The following DOK5 variants were observed in gnomAD, a reference collection of about 807,000 sequenced individuals.
The protein encoded by DOK5 is downstream of tyrosine kinase 5.
In DOK5, 27 loss-of-function variants were observed where a neutral mutation model predicts 43.3. The observed-to-expected ratio is 0.62, with a 90% CI of 0.46 to 0.86. The LOEUF (loss-of-function observed/expected upper bound fraction) is 0.86. DOK5 is among the 40% of genes least tolerant of loss of function. The probability of loss-of-function intolerance (pLI) is 0.00; values close to 1 mark genes in which losing one functional copy is unlikely to be tolerated. For synonymous variants in DOK5, 146 were observed against 140.1 expected (o/e 1.04, Z -0.30); for missense variants, 373 against 392.9 (o/e 0.95, Z 0.43).
chr20:54,640,483 C>T (rs1237973832), intron 6 of DOK5, among the ~76,000 whole-genome samples: 1 of 152,224 alleles, frequency 6.6e-6, no homozygotes, highest in East Asian at 1.9e-4. Flanking sequence ...CTCCCTGACA[C>T]AATTATGCAG....
intron 5 of DOK5, among the ~76,000 whole-genome samples, chr20:54,593,395 C>G (rs1055112100): frequency 2.6e-5 from 4 of 152,118 alleles, no homozygotes; most frequent in Non-Finnish European, 4.4e-5. Flanking sequence ...CAGTTCTTTT[C>G]TGGTCTATTT....
intron 1 of DOK5, among the ~76,000 whole-genome samples, chr20:54,537,986 A>G (rs1984016071): frequency 1.3e-5 from 2 of 151,498 alleles, no homozygotes; most frequent in Non-Finnish European, 2.9e-5. Context: ...TTACAGGCAC[A>G]CACCACCAAA....
chr20:54,611,477 C>T (rs961304800), intron 6 of DOK5, among the ~76,000 whole-genome samples: 3 of 152,082 alleles, frequency 2.0e-5, no homozygotes, highest in African/African-American at 7.2e-5. Flanking sequence ...AGGAGGATCA[C>T]TTGAGCCCAG....
chr20:54,646,295 C>A (rs1244615006), intron 7 of DOK5, among the ~76,000 whole-genome samples: 2 of 122,838 alleles, frequency 1.6e-5, no homozygotes, highest in East Asian at 5.2e-4. Flanking sequence ...GGCTCTTCGC[C>A]TAGGCTGGAG....
chr20:54,611,588 T>C (rs1600735342), intron 6 of DOK5, among the ~76,000 whole-genome samples: 1 of 152,158 alleles, frequency 6.6e-6, no homozygotes, highest in African/African-American at 2.4e-5. Flanking sequence ...ATAATAATTA[T>C]GTTCATGAGT....
intron 1 of DOK5, among the ~76,000 whole-genome samples, chr20:54,535,561 C>T (rs1983934412): frequency 6.6e-6 from 1 of 151,386 alleles, no homozygotes; most frequent in Non-Finnish European, 1.5e-5. Flanking sequence ...TGATATATCT[C>T]CAGTTTTGCT....
At chr20:54,550,130 C>T (rs909185477) in intron 1 of DOK5, among the ~76,000 whole-genome samples, 1 of 150,370 alleles carries the variant, frequency 6.7e-6, no homozygotes, top group African/African-American at 2.5e-5. Context: ...TTGTAACTTG[C>T]CTTCTTAAAG....
intron 1 of DOK5, among the ~76,000 whole-genome samples, chr20:54,534,555 T>C (rs1452096024): frequency 2.0e-5 from 3 of 152,230 alleles, no homozygotes; most frequent in Non-Finnish European, 2.9e-5. Context: ...GAGTCCTAGT[T>C]GTTTAATTTG....
intron 6 of DOK5, among the ~76,000 whole-genome samples, chr20:54,628,731 A>G (rs1157978359): frequency 6.6e-6 from 1 of 152,158 alleles, no homozygotes; most frequent in Non-Finnish European, 1.5e-5. Flanking sequence ...GAGCCCCCCA[A>G]AATGCAGCTA....
chr20:54,645,354 T>C (rs1192742011), intron 7 of DOK5, among the ~76,000 whole-genome samples: 1 of 87,366 alleles, frequency 1.1e-5, no homozygotes, highest in African/African-American at 4.9e-5. Flanking sequence ...CAGTCCTCCA[T>C]GCCCGCTCTG....
chr20:54,594,664 T>A (rs1288536170), intron 5 of DOK5, among the ~76,000 whole-genome samples: 1 of 152,194 alleles, frequency 6.6e-6, no homozygotes, highest in Non-Finnish European at 1.5e-5. Flanking sequence ...ATTCAATTAT[T>A]AATATTTTAA....
intron 7 of DOK5, among the ~76,000 whole-genome samples, chr20:54,644,705 CAA>C (rs71196460): frequency 6.6e-5 from 1 of 15,216 alleles, no homozygotes. Context: ...GACTCCGTCT[CAA>C]AAAAAAAAAA....
In DOK5 at chr20:54,650,523, C is replaced by T; in HGVS notation, c.*44C>T. 6.3e-7 allele frequency: 1 copy of T among 1,578,906 alleles called. No individual in the cohort carries two copies. On this transcript the variant is annotated 3_prime_UTR_variant, in exon 8 of 8. Coordinates refer to ENST00000262593, the MANE Select transcript of DOK5 (RefSeq NM_018431.5). ...GTTAACACACTTGTGATGTGTCAGC[C>T]ACAGATTCACCCAGGAGGTCACAGA...
intron 1 of DOK5, among the ~76,000 whole-genome samples, chr20:54,551,472 C>G (rs1984526974): frequency 6.6e-6 from 1 of 152,132 alleles, no homozygotes; most frequent in Non-Finnish European, 1.5e-5. Context: ...AGAACTCTCT[C>G]CAGACTGTGA....
At chr20:54,541,220 C>A (rs1010737955) in intron 1 of DOK5, among the ~76,000 whole-genome samples, 1 of 152,116 alleles carries the variant, frequency 6.6e-6, no homozygotes, top group African/African-American at 2.4e-5. Context: ...TGTCCAGATT[C>A]TTAGCACTTT....
At chr20:54,634,212 C>T (rs2146819934) in intron 6 of DOK5, among the ~76,000 whole-genome samples, 1 of 151,890 alleles carries the variant, frequency 6.6e-6, no homozygotes, top group Non-Finnish European at 1.5e-5. Context: ...AATTTTCTCA[C>T]CATTATGAGG....
chr20:54,650,258 C>G (rs768420386), intron 7 of DOK5, among the ~76,000 whole-genome samples, 157 bp from the exon 8 acceptor site: 1 of 152,228 alleles, frequency 6.6e-6, no homozygotes, highest in East Asian at 1.9e-4. Flanking sequence ...CATGCAATCT[C>G]TGTGACTCAT....
chr20:54,572,020 C>T lies in DOK5; in HGVS notation c.175-16463C>T, dbSNP rs146436954. On this transcript the variant is annotated intron_variant, in intron 2 of 7. Transcript: ENST00000262593. ...CCATGTTAGGACTAACGAGGCCTAA[C>T]TCAGAAATGATGGCCTCTCTGACCT... 3.3e-3 allele frequency among the ~76,000 whole-genome samples: 502 copies of T among 152,272 alleles called. 2 individuals carry two copies. Among genetic ancestry groups the T allele is most frequent in the African/African-American group, 0.012 (478 of 41,534 alleles).
chr20:54,506,502 C>G (rs541308033), intron 1 of DOK5, among the ~76,000 whole-genome samples: 37 of 152,094 alleles, frequency 2.4e-4, no homozygotes, highest in Non-Finnish European at 4.6e-4. Context: ...TCTCTGTCAC[C>G]CAGGCTGGAG....
Sources: gnomAD v4.1 joint callset for allele counts (sites outside exome capture counted in the v4.1 genomes callset) on GRCh38, gnomAD v4.1.1 for gene constraint, MANE v1.5 for transcripts, NCBI Gene and HGNC (gene_info 2026-07-23, HGNC 2026-07-21) for gene names.